The following CNIH2 variants were observed in gnomAD, a reference collection of about 807,000 sequenced individuals.
CNIH2 encodes cornichon family AMPA receptor auxiliary protein 2, also known as protein cornichon homolog 2.
Under a neutral mutation model 22.9 loss-of-function variants are expected in CNIH2, and 8 were observed. The observed-to-expected ratio is 0.35, with a 90% CI of 0.20 to 0.63. The LOEUF is 0.63. CNIH2 is among the 30% of genes least tolerant of loss of function. The probability of loss-of-function intolerance (pLI) is 0.72; values close to 1 mark genes in which losing one functional copy is unlikely to be tolerated. For missense variants in CNIH2, 105 were observed against 206.2 expected, an observed-to-expected ratio of 0.51 and a Z score of 3.01; for synonymous variants, 74 against 78.2, an observed-to-expected ratio of 0.95 and a Z score of 0.28.
rs1296155662 is a variant in CNIH2, at chr11:66,278,203, G to T, written c.-254G>T. 1 of 148,028 alleles carries T rather than the reference G, an allele frequency of 6.8e-6. No homozygotes were observed. Among genetic ancestry groups the T allele is most frequent in the Non-Finnish European group, 1.5e-5 (1 of 66,418 alleles). The allele number at this position is 148,028 out of a possible 1,614,324, so 9.2% of individuals were successfully genotyped here. On this transcript the variant is annotated 5_prime_UTR_variant, in exon 1 of 6. Transcript: ENST00000311445. ...CCGCCGGCTTCGCGGGCTGGAGAGC[G>T]AGGGAGCCGCGGGCGAGGGATCGCA...
intron 2 of CNIH2, 26 bp from the exon 3 acceptor site, chr11:66,282,707 T>G: frequency 6.2e-7 from 1 of 1,613,524 alleles, no homozygotes; most frequent in South Asian, 1.1e-5. Context: ...CGCCACCCCA[T>G]CGCGGCCTTT....
intron 1 of CNIH2, among the ~76,000 whole-genome samples, chr11:66,281,066 C>T (rs1857252007): frequency 6.6e-6 from 1 of 152,208 alleles, no homozygotes; most frequent in African/African-American, 2.4e-5. Context: ...TAGATTTCTG[C>T]CTTCACTTCT....
Sources: gnomAD v4.1 joint callset for allele counts (sites outside exome capture counted in the v4.1 genomes callset) on GRCh38, gnomAD v4.1.1 for gene constraint, MANE v1.5 for transcripts, NCBI Gene and HGNC (gene_info 2026-07-23, HGNC 2026-07-21) for gene names.